The following GUCY2C variants were observed in gnomAD, a reference collection of about 807,000 sequenced individuals.
The protein encoded by GUCY2C is guanylate cyclase 2C.
A neutral mutation model predicts 131.1 loss-of-function variants in GUCY2C; 118 were observed. The observed-to-expected ratio is 0.90, with a 90% CI of 0.78 to 1.05. The LOEUF is 1.05. Among genes scored for constraint, GUCY2C ranks in the 50% least tolerant of loss-of-function variants. GUCY2C has a pLI of 0.00. For synonymous variants in GUCY2C, 452 were observed against 457.8 expected (o/e 0.99, Z 0.16); for missense variants, 1,161 against 1,304.4 (o/e 0.89, Z 1.69).
intron 1 of GUCY2C, among the ~76,000 whole-genome samples, chr12:14,691,816 C>G (rs1948579088): frequency 6.6e-6 from 1 of 152,196 alleles, no homozygotes; most frequent in South Asian, 2.1e-4. Flanking sequence ...GCCCCAGTTC[C>G]TCATCCACTT....
chr12:14,688,448 C>T (rs1948515819), intron 1 of GUCY2C, among the ~76,000 whole-genome samples: 1 of 152,172 alleles, frequency 6.6e-6, no homozygotes, highest in Non-Finnish European at 1.5e-5. Flanking sequence ...ACCCTAGATG[C>T]AGCAGGTCTC....
chr12:14,622,123 C>T lies in GUCY2C; in HGVS notation c.2483G>A (p.Ser828Asn). ...ELYEEVTIYFSDIVGFTTICK... is the reference protein window; with the variant it reads ...ELYEEVTIYFNDIVGFTTICK... ...GATAGTAGTGAAACCTACAATGTCA[C>T]TGAAGTAGATTGTAACTTCCTCATA... Residue 828 changes from serine to asparagine, a missense_variant, in exon 22 of 27, where the codon AGT becomes AAT. By Grantham distance (46) the Ser-to-Asn change is conservative. Coordinates refer to ENST00000261170, the MANE Select transcript of GUCY2C (RefSeq NM_004963.4). The T allele has an allele frequency of 6.2e-7, 1 of 1,606,458 alleles. No individual in the cohort carries two copies. The highest frequency in any genetic ancestry group is 8.5e-7 in the Non-Finnish European group (1 of 1,176,172).
At chr12:14,655,013 C>T (rs961280905) in intron 12 of GUCY2C, among the ~76,000 whole-genome samples, 2 of 152,180 alleles carry the variant, frequency 1.3e-5, no homozygotes, top group Non-Finnish European at 2.9e-5. Flanking sequence ...GCTAACTGAA[C>T]AGACCATGCC....
intron 6 of GUCY2C, 141 bp from the exon 7 acceptor site, chr12:14,677,112 C>T (rs1404556256): frequency 3.0e-6 from 1 of 330,412 alleles, no homozygotes; most frequent in Admixed American, 4.6e-5. Context: ...TTCTACTTTC[C>T]CCAGATAGAA....
At chr12:14,684,000 A>G (rs1217049773) in intron 3 of GUCY2C, among the ~76,000 whole-genome samples, 1 of 151,928 alleles carries the variant, frequency 6.6e-6, no homozygotes, top group African/African-American at 2.4e-5. Context: ...CTCCCTTTCT[A>G]TGTCCACTTC....
intron 3 of GUCY2C, among the ~76,000 whole-genome samples, chr12:14,684,877 A>G (rs1281509726): frequency 6.6e-6 from 1 of 151,708 alleles, no homozygotes; most frequent in East Asian, 1.9e-4. Flanking sequence ...GAGTCTCACT[A>G]TGTTGCCTAG....
chr12:14,622,306 A>G (rs939183264), intron 21 of GUCY2C, 109 bp from the exon 22 acceptor site: 13 of 652,908 alleles, frequency 2.0e-5, no homozygotes, highest in East Asian at 1.5e-4. Context: ...CTAGAATTTG[A>G]GACTTCCAGT....
intron 10 of GUCY2C, chr12:14,665,664 C>T (rs1004626298): frequency 6.6e-6 from 1 of 152,140 alleles, no homozygotes; most frequent in African/African-American, 2.4e-5. Flanking sequence ...TGAGGACGGG[C>T]ACCAAATCTG....
At chr12:14,643,283 A>T (rs951929037) in intron 17 of GUCY2C, among the ~76,000 whole-genome samples, 10 of 152,010 alleles carry the variant, frequency 6.6e-5, no homozygotes, top group African/African-American at 2.4e-4. Flanking sequence ...TCCTGCTCTA[A>T]CCTTCTATAT....
chr12:14,622,761 A>ATT, intron 21 of GUCY2C, among the ~76,000 whole-genome samples: 1 of 152,330 alleles, frequency 6.6e-6, no homozygotes, highest in East Asian at 1.9e-4. Flanking sequence ...TTTGAACCAG[A>ATT]TTTGGGTCCT....
chr12:14,622,392 T>C (rs570322996), intron 21 of GUCY2C, among the ~76,000 whole-genome samples, 195 bp from the exon 22 acceptor site: 1 of 152,364 alleles, frequency 6.6e-6, no homozygotes, highest in South Asian at 2.1e-4. Flanking sequence ...ATATAATGCA[T>C]GTTGTGAACA....
intron 11 of GUCY2C, among the ~76,000 whole-genome samples, chr12:14,656,837 G>C (rs1344024541): frequency 6.6e-6 from 1 of 152,134 alleles, no homozygotes; most frequent in African/African-American, 2.4e-5. Flanking sequence ...GGCCCTCAAC[G>C]TTTTTGACAC....
At chr12:14,682,930 A>G in intron 4 of GUCY2C, 112 bp downstream of exon 4, 1 of 682,538 alleles carries the variant, frequency 1.5e-6, no homozygotes, top group Admixed American at 2.3e-5. Flanking sequence ...TGATGTCTAT[A>G]CCCAATGCTG....
intron 25 of GUCY2C, among the ~76,000 whole-genome samples, 198 bp downstream of exon 25, chr12:14,616,435 A>G (rs532703438): frequency 1.3e-5 from 2 of 152,302 alleles, no homozygotes; most frequent in South Asian, 4.1e-4. Context: ...CAAAATCTCA[A>G]AAGGGCTCTT....
intron 12 of GUCY2C, among the ~76,000 whole-genome samples, chr12:14,653,261 C>A (rs1329438942): frequency 6.6e-6 from 1 of 152,184 alleles, no homozygotes; most frequent in Non-Finnish European, 1.5e-5. Context: ...CCTCTTGTGG[C>A]CCTACTTCAA....
intron 10 of GUCY2C, chr12:14,665,894 A>C (rs1046776381): frequency 2.9e-4 from 44 of 152,380 alleles, no homozygotes; most frequent in African/African-American, 1.1e-3. Flanking sequence ...GTCTGGGGAC[A>C]TACCCAAGGT....
At chr12:14,686,934 C>G (rs902441365) in intron 2 of GUCY2C, among the ~76,000 whole-genome samples, 1 of 152,118 alleles carries the variant, frequency 6.6e-6, no homozygotes, top group Admixed American at 6.5e-5. Flanking sequence ...AGTTTAGAGC[C>G]GTGGCTCTAC....
At chr12:14,618,700 A>G (rs895679675) in intron 24 of GUCY2C, among the ~76,000 whole-genome samples, 6 of 151,186 alleles carry the variant, frequency 4.0e-5, no homozygotes, top group Non-Finnish European at 8.9e-5. Context: ...ACTTGGGAGG[A>G]TGAGGTGGGA....
chr12:14,635,419 T>G (rs2137008159), intron 19 of GUCY2C, among the ~76,000 whole-genome samples: 1 of 151,972 alleles, frequency 6.6e-6, no homozygotes, highest in South Asian at 2.1e-4. Context: ...CAAATGAAAA[T>G]TTAAACACAG....
Sources: gnomAD v4.1 joint callset for allele counts (sites outside exome capture counted in the v4.1 genomes callset) on GRCh38, gnomAD v4.1.1 for gene constraint, MANE v1.5 for transcripts, NCBI Gene and HGNC (gene_info 2026-07-23, HGNC 2026-07-21) for gene names.